The following FOXJ3 variants were observed in gnomAD, a reference collection of about 807,000 sequenced individuals.
FOXJ3 encodes forkhead box protein J3.
Under a neutral mutation model 76.1 loss-of-function variants are expected in FOXJ3, and 22 were observed. That is an observed-to-expected ratio of 0.29 (90% CI 0.21 to 0.41). The LOEUF (loss-of-function observed/expected upper bound fraction) is 0.41, where lower values mean the gene tolerates loss of function less well. FOXJ3 is among the 10% of genes least tolerant of loss of function. The pLI, the probability that FOXJ3 is intolerant of heterozygous loss-of-function variation, is 1.00. For missense variants in FOXJ3, 613 were observed against 762.1 expected, an observed-to-expected ratio of 0.80 and a Z score of 2.30; for synonymous variants, 269 against 261.2, an observed-to-expected ratio of 1.03 and a Z score of -0.29.
Position 42,189,365 on chromosome 1 carries a change from T to A in FOXJ3, c.1391A>T (p.Lys464Ile). ...ACTGCTGGCAATTCGACAGCTTTCT[T>A]TTAGCATATCAAGTGTCGCATACCA... Reference protein sequence around the residue: ...NDWYATLDMLKESCRIASSVN... With the variant: ...NDWYATLDMLIESCRIASSVN... The change falls in exon 10 of 13, where the codon AAA becomes ATA. Residue 464 changes from lysine (K) to isoleucine (I), a missense_variant. Lys to Ile is a moderately radical substitution (Grantham distance 102). This residue lies in a region of FOXJ3 where 526 missense variants were observed against 601.4 expected (regional missense o/e 0.87). Coordinates refer to ENST00000361346, the MANE Select transcript of FOXJ3 (RefSeq NM_014947.5). 1.2e-6 allele frequency: 2 copies of A among 1,613,590 alleles called. No homozygotes were observed. Among genetic ancestry groups the A allele is most frequent in the Non-Finnish European group, 1.7e-6 (2 of 1,179,556 alleles).
chr1:42,283,601 C>G (rs1652867738), intron 2 of FOXJ3, among the ~76,000 whole-genome samples: 1 of 152,204 alleles, frequency 6.6e-6, no homozygotes, highest in African/African-American at 2.4e-5. Flanking sequence ...CCAAATATTA[C>G]TGAATCCTCC....
intron 4 of FOXJ3, among the ~76,000 whole-genome samples, chr1:42,260,954 T>C (rs962389878): frequency 6.6e-6 from 1 of 152,238 alleles, no homozygotes; most frequent in Non-Finnish European, 1.5e-5. Context: ...CCACTGCTAC[T>C]AAGTTTAGAT....
In FOXJ3 at chr1:42,195,039, G is replaced by C. The variant is rs1646624953; in HGVS notation, c.785C>G (p.Ser262Cys). The change falls in exon 8 of 13, where the codon TCT becomes TGT. Residue 262 changes from serine (S) to cysteine (C), a missense_variant. Ser to Cys is a moderately radical substitution (Grantham distance 112, BLOSUM62 -1). This residue lies in a region of FOXJ3 where 526 missense variants were observed against 601.4 expected (regional missense o/e 0.87). Transcript: ENST00000361346. ...TTGCTGCTGAGGAGTTAATGATTGA[G>C]AGACTGATTCTGGATGGCTTGTCAC... ...TPVTSHPESV[S>C]QSLTPQQQPQ... is the part of the protein sequence containing the mutation. 1 of 1,608,392 alleles carries C rather than the reference G, an allele frequency of 6.2e-7. No homozygotes were observed.
intron 8 of FOXJ3, among the ~76,000 whole-genome samples, chr1:42,192,659 C>G (rs1196695629): frequency 6.6e-6 from 1 of 151,616 alleles, no homozygotes; most frequent in Non-Finnish European, 1.5e-5. Context: ...GTTAGATAAC[C>G]TTACTGCAAC....
At chr1:42,322,883 A>G (rs1364564827) in intron 1 of FOXJ3, among the ~76,000 whole-genome samples, 20 of 152,180 alleles carry the variant, frequency 1.3e-4, no homozygotes, top group Admixed American at 1.3e-3. Flanking sequence ...TAACAGTACC[A>G]TGTATTCCTC....
intron 3 of FOXJ3, among the ~76,000 whole-genome samples, chr1:42,272,261 T>C (rs10789416): frequency 0.73 from 111,411 of 152,076 alleles, 41,016 homozygotes; most frequent in Admixed American, 0.81. Flanking sequence ...TCCCACATCC[T>C]ATCGCCTCCA....
Position 42,278,495 on chromosome 1 carries a change from G to T in FOXJ3, c.222C>A (p.His74Gln). 6.2e-7 allele frequency: 1 copy of T among 1,614,106 alleles called. No homozygotes were observed. Among genetic ancestry groups the T allele is most frequent in the Admixed American group, 1.7e-5 (1 of 60,030 alleles). The stretch of plus-strand genomic sequence containing the variant: ...AACTGTATGGAGGTTTCCCATCTTT[G>T]TGCTGTTGGACTTCTTCCTGGTCCA... ...TTLDQEEVQQ[H>Q]KDGKPPYSYA... The change falls in exon 3 of 13, where the codon CAC (histidine) becomes CAA (glutamine). Residue 74 changes from histidine (H) to glutamine (Q), a missense_variant. His to Gln is a conservative substitution (Grantham distance 24). This residue lies in a region of FOXJ3 where 77 missense variants were observed against 115.1 expected (regional missense o/e 0.67). Coordinates refer to ENST00000361346, the MANE Select transcript of FOXJ3 (RefSeq NM_014947.5).
chr1:42,230,801 A>G (rs935928731), intron 4 of FOXJ3, among the ~76,000 whole-genome samples: 1 of 152,102 alleles, frequency 6.6e-6, no homozygotes, highest in African/African-American at 2.4e-5. Flanking sequence ...GGCAATTCCT[A>G]AAAAAATTAA....
intron 3 of FOXJ3, among the ~76,000 whole-genome samples, 158 bp downstream of exon 3, chr1:42,278,190 A>G (rs958560864): frequency 2.6e-5 from 4 of 152,192 alleles, no homozygotes; most frequent in African/African-American, 7.2e-5. Context: ...CCAAAAATAA[A>G]GTTATTCACC....
intron 3 of FOXJ3, among the ~76,000 whole-genome samples, chr1:42,272,816 CA>C (rs755910288): frequency 2.0e-5 from 3 of 152,150 alleles, no homozygotes; most frequent in Middle Eastern, 3.2e-3. Flanking sequence ...AAATTTGGAC[CA>C]AGCTCTTCAG....
intron 3 of FOXJ3, among the ~76,000 whole-genome samples, chr1:42,266,604 A>G (rs1651481958): frequency 6.6e-6 from 1 of 152,102 alleles, no homozygotes; most frequent in Admixed American, 6.6e-5. Context: ...AACCCCAGAC[A>G]CGAGAAGTTC....
intron 1 of FOXJ3, among the ~76,000 whole-genome samples, chr1:42,320,404 T>C (rs1655362180): frequency 1.3e-5 from 2 of 152,308 alleles, no homozygotes; most frequent in Admixed American, 1.3e-4. Context: ...GAGGCTTCAG[T>C]CTCTCTACTT....
In FOXJ3 at chr1:42,199,149, C is replaced by T; in HGVS notation, c.712G>A (p.Ala238Thr). 2 of 1,613,568 alleles carry T rather than the reference C, an allele frequency of 1.2e-6. No homozygotes were observed. Among genetic ancestry groups the T allele is most frequent in the Non-Finnish European group, 1.7e-6 (2 of 1,179,530 alleles). The change falls in exon 7 of 13, where the codon GCA becomes ACA. Residue 238 changes from alanine (A) to threonine (T), a missense_variant. Ala to Thr is a moderately conservative substitution (Grantham distance 58, BLOSUM62 0). Around this residue, in one of 3 missense-constraint regions of FOXJ3, gnomAD observed 526 missense variants for 601.4 expected, o/e 0.87. Coordinates refer to ENST00000361346, the MANE Select transcript of FOXJ3 (RefSeq NM_014947.5). ...LNNSLSDQSL[A>T]SVNLNSVGSV... ...CCAACACTGTTCAAATTAACAGATG[C>T]CAAACTCTGGTCTGAGAGACTGTTG...
chr1:42,222,052 A>G (rs5026957), intron 5 of FOXJ3, among the ~76,000 whole-genome samples: 839 of 62,372 alleles, frequency 0.013, 42 homozygotes, highest in Admixed American at 0.017. Context: ...GAAGGAGAAG[A>G]AGAAGAAGAA....
intron 5 of FOXJ3, 56 bp from the exon 6 acceptor site, chr1:42,205,919 C>A: frequency 9.6e-7 from 1 of 1,041,028 alleles, no homozygotes; most frequent in African/African-American, 1.6e-5. Flanking sequence ...GCAACTTTAA[C>A]ACAGTTTGAA....
chr1:42,290,908 C>A (rs1255701844), intron 2 of FOXJ3, among the ~76,000 whole-genome samples: 1 of 152,072 alleles, frequency 6.6e-6, no homozygotes, highest in African/African-American at 2.4e-5. Context: ...TTCTCAATTT[C>A]AAAAGCATAA....
chr1:42,273,075 CTCAT>C (rs1238372314), intron 3 of FOXJ3, among the ~76,000 whole-genome samples: 1 of 152,198 alleles, frequency 6.6e-6, no homozygotes, highest in Non-Finnish European at 1.5e-5. Flanking sequence ...TCCCCATAAA[CTCAT>C]TAACTGTACC....
In FOXJ3 at chr1:42,222,095, A is replaced by AGAAGAAGAG. The variant is rs1569928017; in HGVS notation, c.528+5787_528+5788insCTCTTCTTC. ...AAGAAGAAGAAGAAGAAGAAGAAGA[A>AGAAGAAGAG]GAAGAAGAAGAAGAAATAAAAAGTT... On this transcript the variant is annotated intron_variant, in intron 5 of 12. Transcript: ENST00000361346. Among the ~76,000 whole-genome samples the AGAAGAAGAG allele has an allele frequency of 3.4e-5, 5 of 146,750 alleles. No individual in the cohort carries two copies. In the East Asian group the frequency reaches 1.1e-3, roughly 32 times the overall value.
At position 42,297,063 on chromosome 1, in the gene FOXJ3, T is replaced by G. The variant is rs147966010; in HGVS notation, c.44+13987A>C. Among the ~76,000 whole-genome samples, 16 of 152,272 alleles carry G rather than the reference T, an allele frequency of 1.1e-4. No individual in the cohort carries two copies. The East Asian group carries it at 2.1e-3, about 20-fold the overall frequency. On this transcript the variant is annotated intron_variant, in intron 2 of 12. Coordinates refer to ENST00000361346, the MANE Select transcript of FOXJ3 (RefSeq NM_014947.5). Reference sequence around the variant, plus strand: ...CTAGGGGTGTGCGGGTGTGGGTGTGTGTGTGTGTCTACTGTAAATGGGATT... The same window carrying G: ...CTAGGGGTGTGCGGGTGTGGGTGTGGGTGTGTGTCTACTGTAAATGGGATT...
Sources: gnomAD v4.1 joint callset for allele counts (sites outside exome capture counted in the v4.1 genomes callset) on GRCh38, gnomAD v4.1.1 for gene constraint, gnomAD v4.1.1 regional missense constraint, MANE v1.5 for transcripts, NCBI Gene and HGNC (gene_info 2026-07-23, HGNC 2026-07-21) for gene names.